Variants in GRM8 observed in about 807,000 individuals in gnomAD.
GRM8 encodes the protein metabotropic glutamate receptor 8.
In GRM8, 47 loss-of-function variants were observed where a neutral mutation model predicts 87.2. That is an observed-to-expected ratio of 0.54 (90% CI 0.43 to 0.69). The LOEUF is 0.69. GRM8 is among the 30% of genes least tolerant of loss of function. The pLI is 0.00. For synonymous variants in GRM8, 396 were observed against 404.5 expected (o/e 0.98, Z 0.25); for missense variants, 1,019 against 1,139.2 (o/e 0.89, Z 1.52).
At chr7:126,823,771 C>T (rs1794511804) in intron 6 of GRM8, among the ~76,000 whole-genome samples, 1 of 152,114 alleles carries the variant, frequency 6.6e-6, no homozygotes, top group Admixed American at 6.5e-5. Context: ...TTCAAGGGCT[C>T]AGTAGGCTCA....
At chr7:126,700,247 C>G (rs935954108) in intron 7 of GRM8, among the ~76,000 whole-genome samples, 5 of 152,054 alleles carry the variant, frequency 3.3e-5, no homozygotes, top group African/African-American at 9.7e-5. Flanking sequence ...TTAAAAAGCT[C>G]TTTCAGATAC....
At chr7:127,232,015 C>T (rs1235667853) in intron 2 of GRM8, among the ~76,000 whole-genome samples, 4 of 151,994 alleles carry the variant, frequency 2.6e-5, no homozygotes, top group South Asian at 4.1e-4. Flanking sequence ...CTGACTCTTA[C>T]CACCCAACAC....
At chr7:126,545,368 A>C (rs1008854404) in intron 8 of GRM8, among the ~76,000 whole-genome samples, 3 of 152,222 alleles carry the variant, frequency 2.0e-5, no homozygotes. Context: ...ATTTTAACTT[A>C]TGATAATTCT....
intron 9 of GRM8, among the ~76,000 whole-genome samples, chr7:126,466,769 C>T (rs1455064216): frequency 6.6e-6 from 1 of 151,856 alleles, no homozygotes; most frequent in Non-Finnish European, 1.5e-5. Flanking sequence ...TTGGATGATG[C>T]CCACCCACAC....
chr7:126,718,257 T>G lies in GRM8; in HGVS notation c.1357+51608A>C, dbSNP rs1196174092. Among the ~76,000 whole-genome samples the G allele has an allele frequency of 2.6e-5, 4 of 151,576 alleles. No homozygotes were observed. The South Asian group carries it at 6.3e-4, about 24-fold the overall frequency. On this transcript the variant is annotated intron_variant, in intron 7 of 10. Coordinates refer to ENST00000339582, the MANE Select transcript of GRM8 (RefSeq NM_000845.3). Reference sequence around the variant, plus strand: ...AAAAATAATAATAATAATAATAACTTCAGTGTTTTTTTCTCTATTTACTCA... The same window carrying G: ...AAAAATAATAATAATAATAATAACTGCAGTGTTTTTTTCTCTATTTACTCA...
At chr7:127,065,793 T>C (rs1212096555) in intron 3 of GRM8, among the ~76,000 whole-genome samples, 1 of 152,174 alleles carries the variant, frequency 6.6e-6, no homozygotes, top group African/African-American at 2.4e-5. Context: ...GGGCACCTAT[T>C]TCCCAGCACA....
At position 126,773,648 on chromosome 7, in the gene GRM8, A is replaced by C. The variant is rs193133648; in HGVS notation, c.1157-3583T>G. Among the ~76,000 whole-genome samples the C allele has an allele frequency of 5.9e-5, 9 of 152,258 alleles. No homozygotes were observed. In the East Asian group the frequency reaches 1.7e-3, roughly 29 times the overall value. The stretch of plus-strand genomic sequence containing the variant: ...CCTCAGCATTCAATAATTTCCTGAT[A>C]AATTATAATCGACATGCTCCAATTT... On this transcript the variant is annotated intron_variant, in intron 6 of 10. Coordinates refer to ENST00000339582, the MANE Select transcript of GRM8 (RefSeq NM_000845.3).
intron 6 of GRM8, among the ~76,000 whole-genome samples, chr7:126,807,101 A>G (rs1187230856): frequency 6.6e-6 from 1 of 152,156 alleles, no homozygotes; most frequent in Non-Finnish European, 1.5e-5. Flanking sequence ...TAGGCAGCTG[A>G]CTTGTTGAGG....
In GRM8 at chr7:126,821,149, T is replaced by A. The variant is rs146512544; in HGVS notation, c.1157-51084A>T. ...CACACAGTTATTACCTTTCTACTGA[T>A]CCCTTAAACTTCCCCAACTATTACC... On this transcript the variant is annotated intron_variant, in intron 6 of 10. Transcript: ENST00000339582. Among the ~76,000 whole-genome samples, 75 of 152,302 alleles carry A rather than the reference T, an allele frequency of 4.9e-4. 2 individuals are homozygous for A. The East Asian group carries it at 0.013, about 26-fold the overall frequency.
chr7:126,538,710 G>A (rs1381076610), intron 8 of GRM8, among the ~76,000 whole-genome samples: 1 of 151,968 alleles, frequency 6.6e-6, no homozygotes, highest in East Asian at 1.9e-4. Flanking sequence ...AGTAATGGAA[G>A]ACTGCATGTG....
chr7:127,092,436 C>T (rs1824229864), intron 3 of GRM8, among the ~76,000 whole-genome samples: 1 of 152,192 alleles, frequency 6.6e-6, no homozygotes, highest in Non-Finnish European at 1.5e-5. Context: ...TGGCCCACGC[C>T]TATAATCCCA....
rs188010446 is a variant in GRM8 at position 126,679,071 on chromosome 7, G to A, written c.1358-69573C>T. Among the ~76,000 whole-genome samples, 8 of 151,102 alleles carry A rather than the reference G, an allele frequency of 5.3e-5. No homozygotes were observed. In the East Asian group the frequency reaches 1.2e-3, roughly 22 times the overall value. On this transcript the variant is annotated intron_variant, in intron 7 of 10. Transcript: ENST00000339582. ...TTCTATTTTGCCACCATTTTTTTTC[G>A]CTTGACCTCCCTTATTAATTCAGTA...
intron 9 of GRM8, among the ~76,000 whole-genome samples, chr7:126,453,588 G>C (rs1171875435): frequency 6.6e-6 from 1 of 151,654 alleles, no homozygotes; most frequent in Non-Finnish European, 1.5e-5. Context: ...CTAATGATAG[G>C]AAAGAACCAC....
intron 2 of GRM8, among the ~76,000 whole-genome samples, chr7:127,178,550 T>G (rs1020555487): frequency 6.6e-6 from 1 of 152,180 alleles, no homozygotes; most frequent in African/African-American, 2.4e-5. Context: ...CACATTGTCA[T>G]GAGGTTATCC....
chr7:126,929,433 T>C (rs1219256130), intron 3 of GRM8, among the ~76,000 whole-genome samples: 1 of 152,120 alleles, frequency 6.6e-6, no homozygotes, highest in Non-Finnish European at 1.5e-5. Flanking sequence ...TTTTATTTTT[T>C]ATTTTATTGT....
At chr7:126,941,193 T>C (rs1488332863) in intron 3 of GRM8, among the ~76,000 whole-genome samples, 1 of 152,106 alleles carries the variant, frequency 6.6e-6, no homozygotes, top group Non-Finnish European at 1.5e-5. Flanking sequence ...AGGACATCTA[T>C]CCAGTGGACG....
chr7:127,202,875 TCA>T (rs557689732), intron 2 of GRM8, among the ~76,000 whole-genome samples: 5 of 152,320 alleles, frequency 3.3e-5, no homozygotes, highest in Admixed American at 3.3e-4. Flanking sequence ...TAAGGGTGAT[TCA>T]CAGAGGATCA....
Position 126,904,085 on chromosome 7 carries a change from T to C in GRM8, c.905A>G (p.His302Arg), listed in dbSNP as rs144338548. 281 of 1,612,526 alleles carry C rather than the reference T, an allele frequency of 1.7e-4. No homozygotes were observed. In the African/African-American group the frequency reaches 3.5e-3, roughly 20 times the overall value. The change falls in exon 5 of 11, where the codon CAT (histidine) becomes CGT (arginine). Residue 302 changes from histidine (H) to arginine (R), a missense_variant. Transcript: ENST00000339582. ...ACTATCTGAGCCAATCCAGAGAAAA[T>C]GCCCACTTTGGTTTAGTTTTTTTGC... ...EAAKKLNQSGHFLWIGSDSWG... is the reference protein window; with the variant it reads ...EAAKKLNQSGRFLWIGSDSWG...
chr7:127,019,792 G>A (rs1816076514), intron 3 of GRM8, among the ~76,000 whole-genome samples: 1 of 152,014 alleles, frequency 6.6e-6, no homozygotes, highest in Non-Finnish European at 1.5e-5. Context: ...CCCAAAGCAA[G>A]TCACCCAATC....
Sources: gnomAD v4.1 joint callset for allele counts (sites outside exome capture counted in the v4.1 genomes callset) on GRCh38, gnomAD v4.1.1 for gene constraint, MANE v1.5 for transcripts, NCBI Gene and HGNC (gene_info 2026-07-23, HGNC 2026-07-21) for gene names.